SEZ6L2: variants seen among roughly 807,000 people sequenced by gnomAD.
SEZ6L2 encodes the protein seizure related 6 homolog like 2.
A neutral mutation model predicts 97.0 loss-of-function variants in SEZ6L2; 44 were observed. The ratio of observed to expected loss-of-function variants is 0.45; its 90% confidence interval spans 0.36 to 0.58. SEZ6L2 has a LOEUF of 0.58. Among genes scored for constraint, SEZ6L2 ranks in the 20% least tolerant of loss-of-function variants. The pLI, the probability that SEZ6L2 is intolerant of heterozygous loss-of-function variation, is 0.00. For missense variants in SEZ6L2, 1,086 were observed against 1,233.3 expected, an observed-to-expected ratio of 0.88 and a Z score of 1.79; for synonymous variants, 543 against 546.1, an observed-to-expected ratio of 0.99 and a Z score of 0.08.
chr16:29,877,308 A>C lies in SEZ6L2; in HGVS notation c.1872T>G (p.Asn624Lys). The part of the protein sequence containing the change: ...LQFQAPPGPP[N>K]PGLGQGFVLH... Reference sequence around the variant, plus strand: ...ATACGAAGCCCTGGCCCAGGCCTGGATTTGGGGGCCCGGGCGGTGCCTGAA... The same window carrying C: ...ATACGAAGCCCTGGCCCAGGCCTGGCTTTGGGGGCCCGGGCGGTGCCTGAA... The change falls in exon 11 of 18, where the codon AAT (asparagine) becomes AAG (lysine). Residue 624 changes from asparagine (N) to lysine (K), a missense_variant. Asn to Lys is a moderately conservative substitution (Grantham distance 94, BLOSUM62 0). Coordinates refer to ENST00000617533, the MANE Select transcript of SEZ6L2 (RefSeq NM_001243332.2). The C allele has an allele frequency of 6.2e-7, 1 of 1,609,770 alleles. No individual in the cohort carries two copies. The highest frequency in any genetic ancestry group is 1.1e-5 in the South Asian group (1 of 90,570).
intron 8 of SEZ6L2, among the ~76,000 whole-genome samples, chr16:29,884,639 C>T (rs1001953259): frequency 5.9e-5 from 9 of 151,852 alleles, no homozygotes; most frequent in African/African-American, 1.9e-4. Context: ...AACTGTCAGG[C>T]GCAGTGGCTC....
rs2068470916 is a variant in SEZ6L2 at position 29,899,002 on chromosome 16, G to A, written c.18C>T (p.Ala6=). 1.2e-6 allele frequency: 2 copies of A among 1,610,508 alleles called. No individual in the cohort carries two copies. Among genetic ancestry groups the A allele is most frequent in the African/African-American group, 1.3e-5 (1 of 74,776 alleles). MGTPR[A]QHPPPPQLLF... Reference sequence around the variant, plus strand: ...GCAGCTGGGGAGGCGGCGGGTGCTGGGCCCTGGGAGTCCCCATGGCGACTC... The same window carrying A: ...GCAGCTGGGGAGGCGGCGGGTGCTGAGCCCTGGGAGTCCCCATGGCGACTC... The change falls in exon 1 of 18, where the codon GCC becomes GCT. Residue 6 remains alanine (A), a synonymous_variant. Transcript: ENST00000617533.
intron 17 of SEZ6L2, 65 bp downstream of exon 17, chr16:29,872,122 C>A: frequency 2.3e-6 from 3 of 1,308,240 alleles, no homozygotes; most frequent in Non-Finnish European, 3.2e-6. Flanking sequence ...AGAGACCTTG[C>A]GAGAAGGTTA....
At position 29,876,748 on chromosome 16, in the gene SEZ6L2, C is replaced by A; in HGVS notation, c.2104+8G>T. ...GGGGCCGAGGGGACGCGGGCGGGGC[C>A]GGCTCACTCTTTTGGCAGGCGGGCG... On this transcript the variant is annotated splice_region_variant and intron_variant, in intron 12 of 17. Transcript: ENST00000617533. This position sits in a 1 kb window ranked among gnomAD's most constrained non-coding sequence, Gnocchi z 6.5. The A allele has an allele frequency of 6.5e-7, 1 of 1,533,088 alleles. No homozygotes were observed. Among genetic ancestry groups the A allele is most frequent in the Non-Finnish European group, 8.8e-7 (1 of 1,135,798 alleles). The allele number at this position is 1,533,088 out of a possible 1,614,324, so 95.0% of individuals were successfully genotyped here. A position where few individuals can be genotyped will look rare whatever the true frequency, so the allele number is the denominator to read the frequency against.
chr16:29,886,418 G>A (rs921647821), intron 7 of SEZ6L2, among the ~76,000 whole-genome samples: 1 of 151,772 alleles, frequency 6.6e-6, no homozygotes, highest in South Asian at 2.1e-4. Flanking sequence ...GTTCATGCCT[G>A]TAATCCTAGC....
intron 8 of SEZ6L2, 118 bp from the exon 9 acceptor site, chr16:29,880,182 T>G: frequency 2.2e-6 from 2 of 913,414 alleles, no homozygotes; most frequent in Non-Finnish European, 3.2e-6. Context: ...TTTTTTTTTT[T>G]TAAACAGTCT....
chr16:29,890,847 C>T (rs2068257570), intron 5 of SEZ6L2, among the ~76,000 whole-genome samples: 1 of 144,554 alleles, frequency 6.9e-6, no homozygotes, highest in Non-Finnish European at 1.5e-5. Flanking sequence ...CTCCCGGGTT[C>T]AAGTAATTCT....
In SEZ6L2 at chr16:29,895,815, G is replaced by A. The variant is rs778629339; in HGVS notation, c.557C>T (p.Ser186Phe). The change falls in exon 4 of 18, where the codon TCT (serine) becomes TTT (phenylalanine). Residue 186 changes from serine (S) to phenylalanine (F), a missense_variant. By Grantham distance (155) the Ser-to-Phe change is radical. This residue lies in a region of SEZ6L2 where 776 missense variants were observed against 794.7 expected (regional missense o/e 0.98). Coordinates refer to ENST00000617533, the MANE Select transcript of SEZ6L2 (RefSeq NM_001243332.2). Reference protein sequence around the residue: ...NISEGEGYVESPDLGSPVSRT... With the variant: ...NISEGEGYVEFPDLGSPVSRT... ...GCTGACGGGGCTCCCCAGATCTGGA[G>A]ACTCCACATACCCTTCGCCCTCGGA... The A allele has an allele frequency of 3.1e-6, 5 of 1,614,096 alleles. 1 individual carries two copies. In the South Asian group the frequency reaches 5.5e-5, roughly 18 times the overall value.
At chr16:29,872,122 C>T (rs1214994023) in intron 17 of SEZ6L2, 65 bp downstream of exon 17, 19 of 1,308,238 alleles carry the variant, frequency 1.5e-5, no homozygotes, top group East Asian at 4.6e-5. Context: ...AGAGACCTTG[C>T]GAGAAGGTTA....
chr16:29,892,500 C>T (rs1428615213), intron 5 of SEZ6L2, among the ~76,000 whole-genome samples: 1 of 152,236 alleles, frequency 6.6e-6, no homozygotes, highest in Non-Finnish European at 1.5e-5. Context: ...CAGGTCCCTA[C>T]TGCCAAATAC....
chr16:29,896,768 C>T, intron 3 of SEZ6L2, 54 bp downstream of exon 3: 2 of 1,523,618 alleles, frequency 1.3e-6, no homozygotes, highest in Non-Finnish European at 1.8e-6. Context: ...CCCATCCATC[C>T]CCAGCGTGTA....
intron 9 of SEZ6L2, among the ~76,000 whole-genome samples, 190 bp from the exon 10 acceptor site, chr16:29,878,615 C>G (rs982628765): frequency 6.6e-6 from 1 of 151,766 alleles, no homozygotes; most frequent in Non-Finnish European, 1.5e-5. Flanking sequence ...GAGACGGAGT[C>G]TCTCTGTCGC....
At position 29,895,465 on chromosome 16, in the gene SEZ6L2, A is replaced by G; in HGVS notation, c.652-5T>C. The G allele has an allele frequency of 6.2e-7, 1 of 1,613,650 alleles. No individual in the cohort carries two copies. The highest frequency in any genetic ancestry group is 8.5e-7 in the Non-Finnish European group (1 of 1,179,744). ...TGACAGGTTCAGCGTCTGCACCTAG[A>G]GAAGCCAGACACAGACCCGCCAGGG... is the stretch of plus-strand genomic sequence containing the variant. On this transcript the variant is annotated splice_polypyrimidine_tract_variant and splice_region_variant and intron_variant, in intron 4 of 17. Transcript: ENST00000617533.
rs749988751 is a variant in SEZ6L2, at chr16:29,872,490, C to T, written c.2564G>A (p.Gly855Glu). 1.9e-6 allele frequency: 3 copies of T among 1,614,234 alleles called. No individual in the cohort carries two copies. Among genetic ancestry groups the T allele is most frequent in the South Asian group, 2.2e-5 (2 of 91,092 alleles). The change falls in exon 16 of 18, where the codon GGG (glycine) becomes GAG (glutamate). Residue 855 changes from glycine to glutamate, a missense_variant. Gly to Glu is a moderately conservative substitution (Grantham distance 98). Coordinates refer to ENST00000617533, the MANE Select transcript of SEZ6L2 (RefSeq NM_001243332.2). ...QTTDPSRQLE[G>E]GNLALAILLP... ...CAGGATGGCCAGGGCCAGGTTCCCC[C>T]CTTCCAGCTGCCGTGATGGATCTGT... is the stretch of plus-strand genomic sequence containing the variant.
intron 7 of SEZ6L2, among the ~76,000 whole-genome samples, chr16:29,887,281 C>A (rs1045246533): frequency 4.0e-5 from 6 of 150,774 alleles, no homozygotes; most frequent in African/African-American, 1.5e-4. Context: ...ACTTAGCCTC[C>A]CTACTTCCCT....
At chr16:29,892,172 G>T (rs1596987621) in intron 5 of SEZ6L2, among the ~76,000 whole-genome samples, 1 of 152,228 alleles carries the variant, frequency 6.6e-6, no homozygotes, top group East Asian at 1.9e-4. Flanking sequence ...GGAGACTTTG[G>T]CTTTTCAGAG....
rs149666804 is a variant in SEZ6L2, at chr16:29,872,437, C to A, written c.2617G>T (p.Gly873Cys). The change falls in exon 16 of 18, where the codon GGC becomes TGC. Residue 873 changes from glycine (G) to cysteine (C), a missense_variant. Around this residue, in one of 2 missense-constraint regions of SEZ6L2, gnomAD observed 310 missense variants for 438.6 expected, o/e 0.71. Coordinates refer to ENST00000617533, the MANE Select transcript of SEZ6L2 (RefSeq NM_001243332.2). ...LLPLGLVIVL[G>C]SGVYIYYTKL... ...GTGTAGTAGATGTAAACGCCACTGC[C>A]GAGGACAATGACCAAGCCTAGAGGC... The A allele has an allele frequency of 6.2e-7, 1 of 1,614,178 alleles. No homozygotes were observed. Among genetic ancestry groups the A allele is most frequent in the Admixed American group, 1.7e-5 (1 of 60,018 alleles).
rs2067923537 is a variant in SEZ6L2, at chr16:29,877,178, G to T, written c.1909+93C>A. Reference sequence around the variant, plus strand: ...TCCCGCCTCGGCCTCCCAAGGCCCCGGGATAACAGGCGTGAGCCACCACGA... The same window carrying T: ...TCCCGCCTCGGCCTCCCAAGGCCCCTGGATAACAGGCGTGAGCCACCACGA... On this transcript the variant is annotated intron_variant, in intron 11 of 17. Transcript: ENST00000617533. 49 of 1,364,888 alleles carry T rather than the reference G, an allele frequency of 3.6e-5. No individual in the cohort carries two copies. In the South Asian group the frequency reaches 7.0e-4, roughly 20 times the overall value. The allele number at this position is 1,364,888 out of a possible 1,614,324, so 84.5% of individuals were successfully genotyped here.
chr16:29,889,418 G>A (rs552254665), intron 5 of SEZ6L2, among the ~76,000 whole-genome samples: 1 of 151,540 alleles, frequency 6.6e-6, no homozygotes, highest in African/African-American at 2.4e-5. Context: ...CAGCCTGGGC[G>A]ACAAGAGCAA....
Sources: gnomAD v4.1 joint callset for allele counts (sites outside exome capture counted in the v4.1 genomes callset) on GRCh38, gnomAD v4.1.1 for gene constraint, gnomAD v4.1.1 regional missense constraint, Gnocchi (gnomAD v3.1) non-coding constraint, MANE v1.5 for transcripts, NCBI Gene and HGNC (gene_info 2026-07-23, HGNC 2026-07-21) for gene names.